CSTPP1: variants seen among roughly 807,000 people sequenced by gnomAD.
The protein encoded by CSTPP1 is centriolar satellite-associated tubulin polyglutamylase complex regulator 1.
the CSTPP1 span, among the ~76,000 whole-genome samples, chr11:47,019,079 C>G: frequency 6.6e-6 from 1 of 151,938 alleles, no homozygotes; most frequent in African/African-American, 2.4e-5. Flanking sequence ...GCAATCTCAG[C>G]TCACTACAAC....
At chr11:47,098,349 A>T in the CSTPP1 span, among the ~76,000 whole-genome samples, 7 of 151,710 alleles carry the variant, frequency 4.6e-5, no homozygotes, top group Middle Eastern at 3.4e-3. Flanking sequence ...AAAATAAAAA[A>T]AAATAAAGCA....
At chr11:47,151,498 G>T in the CSTPP1 span, among the ~76,000 whole-genome samples, 1 of 151,998 alleles carries the variant, frequency 6.6e-6, no homozygotes, top group Admixed American at 6.6e-5. Context: ...TAGGATGGTG[G>T]CTGTGGACGT....
the CSTPP1 span, among the ~76,000 whole-genome samples, chr11:47,045,731 T>C: frequency 6.6e-6 from 1 of 152,156 alleles, no homozygotes; most frequent in African/African-American, 2.4e-5. Context: ...ATTTGATAAA[T>C]GTAGGTAAAC....
the CSTPP1 span, among the ~76,000 whole-genome samples, chr11:47,054,928 ATTTTTTTTTTTTTT>A: frequency 4.4e-5 from 3 of 68,772 alleles, no homozygotes; most frequent in African/African-American, 2.0e-4. Context: ...ATAAATTTCA[ATTTTTTTTTTTTTT>A]TTTTTTTTTT....
the CSTPP1 span, among the ~76,000 whole-genome samples, chr11:47,142,461 T>C: frequency 6.6e-6 from 1 of 152,124 alleles, no homozygotes; most frequent in Non-Finnish European, 1.5e-5. Context: ...CCGGGAGCTA[T>C]TCTGCAAATG....
chr11:47,012,440 A>G, the CSTPP1 span, among the ~76,000 whole-genome samples: 1 of 152,102 alleles, frequency 6.6e-6, no homozygotes, highest in Non-Finnish European at 1.5e-5. Context: ...GATAATGGAG[A>G]GAGAAGAGGA....
the CSTPP1 span, chr11:47,155,330 C>A: frequency 3.7e-6 from 5 of 1,354,430 alleles, no homozygotes; most frequent in Middle Eastern, 3.6e-4. Flanking sequence ...TGCTGCCCTG[C>A]CCATCTGTGT....
the CSTPP1 span, among the ~76,000 whole-genome samples, chr11:47,028,370 GATC>G: frequency 6.6e-6 from 1 of 152,124 alleles, no homozygotes; most frequent in Admixed American, 6.5e-5. Flanking sequence ...TTGGATTCAG[GATC>G]ATATTGTTCA....
the CSTPP1 span, among the ~76,000 whole-genome samples, chr11:46,939,971 AG>A: frequency 6.6e-6 from 1 of 152,130 alleles, no homozygotes; most frequent in African/African-American, 2.4e-5. Context: ...CCTGGGTTCA[AG>A]CCATTCTCCT....
chr11:47,122,395 A>C, the CSTPP1 span, among the ~76,000 whole-genome samples: 7 of 152,046 alleles, frequency 4.6e-5, no homozygotes, highest in African/African-American at 1.7e-4. Context: ...AGGGGGAAGA[A>C]AGAGCCACTG....
chr11:47,018,495 A>G, the CSTPP1 span, among the ~76,000 whole-genome samples: 23 of 151,986 alleles, frequency 1.5e-4, no homozygotes, highest in Admixed American at 4.6e-4. Context: ...GGGTTTCACC[A>G]TCTTGGCCAG....
the CSTPP1 span, among the ~76,000 whole-genome samples, chr11:46,971,362 A>C: frequency 6.6e-6 from 1 of 152,218 alleles, no homozygotes; most frequent in East Asian, 1.9e-4. Context: ...TCTGCAAGGA[A>C]ATTGGTCTCT....
At chr11:46,974,476 G>C in the CSTPP1 span, among the ~76,000 whole-genome samples, 3 of 146,146 alleles carry the variant, frequency 2.1e-5, no homozygotes, top group Non-Finnish European at 4.5e-5. Flanking sequence ...GCAGTGAGCA[G>C]AGACCTTGCC....
At chr11:47,144,665 T>G in the CSTPP1 span, among the ~76,000 whole-genome samples, 1 of 152,180 alleles carries the variant, frequency 6.6e-6, no homozygotes, top group East Asian at 1.9e-4. Context: ...CTTCTTGTGA[T>G]TGGCCTGCAG....
At chr11:47,027,318 G>T in the CSTPP1 span, among the ~76,000 whole-genome samples, 1 of 152,246 alleles carries the variant, frequency 6.6e-6, no homozygotes, top group African/African-American at 2.4e-5. Context: ...CTTCAAAGGG[G>T]AGTTTGAAAC....
the CSTPP1 span, among the ~76,000 whole-genome samples, chr11:47,124,113 A>ATTTTTT: frequency 1.6e-4 from 10 of 61,186 alleles, no homozygotes; most frequent in East Asian, 7.5e-4. Flanking sequence ...TAATGGTCTT[A>ATTTTTT]CTTTTTTTTT....
chr11:47,128,598 G>A, the CSTPP1 span, among the ~76,000 whole-genome samples: 1 of 151,974 alleles, frequency 6.6e-6, no homozygotes, highest in Non-Finnish European at 1.5e-5. Context: ...ATGTTGCCCA[G>A]GCTGGTCTTG....
the CSTPP1 span, among the ~76,000 whole-genome samples, chr11:47,091,934 G>C: frequency 2.0e-5 from 3 of 152,180 alleles, no homozygotes; most frequent in Admixed American, 1.3e-4. Flanking sequence ...ACTCATTTTG[G>C]ACTTCTGGCA....
chr11:47,019,325 A>C, the CSTPP1 span, among the ~76,000 whole-genome samples: 3 of 152,152 alleles, frequency 2.0e-5, no homozygotes, highest in Non-Finnish European at 4.4e-5. Context: ...ATGTCCTTTA[A>C]ATTTCTTTCA....
Sources: allele counts gnomAD v4.1 joint callset (sites outside exome capture counted in the v4.1 genomes callset), GRCh38; gene constraint gnomAD v4.1.1; transcripts MANE v1.5; gene names NCBI Gene and HGNC (gene_info 2026-07-23, HGNC 2026-07-21).